PPME1: variants seen among roughly 807,000 people sequenced by gnomAD.
PPME1 encodes testicular secretory protein Li 39.
Under a neutral mutation model 56.9 loss-of-function variants are expected in PPME1, and 17 were observed. That is an observed-to-expected ratio of 0.30 (90% CI 0.20 to 0.45). The LOEUF is 0.45. PPME1 is among the 20% of genes least tolerant of loss of function. The pLI, the probability that PPME1 is intolerant of heterozygous loss-of-function variation, is 1.00. For synonymous variants in PPME1, 122 were observed against 156.2 expected (o/e 0.78, Z 1.63); for missense variants, 357 against 483.2 (o/e 0.74, Z 2.45).
At chr11:74,186,584 T>C (rs1471653382) in intron 1 of PPME1, among the ~76,000 whole-genome samples, 1 of 152,158 alleles carries the variant, frequency 6.6e-6, no homozygotes, top group Non-Finnish European at 1.5e-5. Flanking sequence ...GGTGTAGAAA[T>C]TAATTCCTGT....
intron 12 of PPME1, chr11:74,251,357 A>G: frequency 7.4e-7 from 1 of 1,354,866 alleles, no homozygotes; most frequent in Non-Finnish European, 9.5e-7. Flanking sequence ...ACAGTTAGGA[A>G]TTAATATGGG....
chr11:74,184,682 T>G (rs1401370466), intron 1 of PPME1, among the ~76,000 whole-genome samples: 1 of 152,196 alleles, frequency 6.6e-6, no homozygotes, highest in Non-Finnish European at 1.5e-5. Context: ...CAAGAAAGAC[T>G]GGGTGTGCCG....
intron 1 of PPME1, among the ~76,000 whole-genome samples, chr11:74,190,623 T>C (rs1160838682): frequency 6.6e-6 from 1 of 152,218 alleles, no homozygotes. Flanking sequence ...AGAAAATTGA[T>C]ACCGAAGAGT....
At chr11:74,196,916 T>C (rs1253384062) in intron 1 of PPME1, among the ~76,000 whole-genome samples, 1 of 152,208 alleles carries the variant, frequency 6.6e-6, no homozygotes, top group African/African-American at 2.4e-5. Flanking sequence ...GTAAACATTA[T>C]TAATTTGTTC....
At chr11:74,177,038 G>A (rs1857417232) in intron 1 of PPME1, among the ~76,000 whole-genome samples, 1 of 151,800 alleles carries the variant, frequency 6.6e-6, no homozygotes, top group Non-Finnish European at 1.5e-5. Flanking sequence ...TAATCCATTT[G>A]AAGTTTATCT....
At position 74,246,214 on chromosome 11, in the gene PPME1, A is replaced by G. The variant is rs76506696; in HGVS notation, c.964+9A>G. The stretch of plus-strand genomic sequence containing the variant: ...ATTGCTGCTCTTGGCTGGTAAGTGT[A>G]TATGTGCATATATTAGTCAGCTCAG... On this transcript the variant is annotated intron_variant, in intron 10 of 13. Coordinates refer to ENST00000328257, the MANE Select transcript of PPME1 (RefSeq NM_016147.3). 7.8e-6 allele frequency: 12 copies of G among 1,546,702 alleles called. No individual in the cohort carries two copies. The East Asian group carries it at 2.5e-4, about 32-fold the overall frequency.
intron 1 of PPME1, among the ~76,000 whole-genome samples, chr11:74,195,940 AATT>A (rs2135610890): frequency 6.6e-6 from 1 of 152,326 alleles, no homozygotes; most frequent in African/African-American, 2.4e-5. Flanking sequence ...TTAAAAAGAC[AATT>A]ATTCTGGAAA....
chr11:74,212,128 A>G (rs893896187), intron 3 of PPME1, among the ~76,000 whole-genome samples: 5 of 152,200 alleles, frequency 3.3e-5, no homozygotes, highest in African/African-American at 4.8e-5. Flanking sequence ...TGAATTACTG[A>G]CATCACCCCT....
At chr11:74,225,306 TA>T in intron 5 of PPME1, 50 bp downstream of exon 5, 1 of 1,230,096 alleles carries the variant, frequency 8.1e-7, no homozygotes, top group Admixed American at 2.5e-5. Flanking sequence ...ATCACTATTA[TA>T]AATAGTACTA....
chr11:74,234,028 C>A (rs1414701181), intron 7 of PPME1, among the ~76,000 whole-genome samples: 1 of 152,048 alleles, frequency 6.6e-6, no homozygotes, highest in Non-Finnish European at 1.5e-5. Context: ...GGAAGAGAGT[C>A]ATTTTTTAAT....
At chr11:74,246,349 G>A in intron 10 of PPME1, 144 bp downstream of exon 10, 1 of 911,630 alleles carries the variant, frequency 1.1e-6, no homozygotes, top group South Asian at 2.0e-5. Context: ...TGGTCAGGTT[G>A]TGGTGAGGGC....
At chr11:74,248,676 A>C (rs1859571410) in intron 11 of PPME1, 1 of 152,138 alleles carries the variant, frequency 6.6e-6, no homozygotes, top group Non-Finnish European at 1.5e-5. Flanking sequence ...TAAATGTCTA[A>C]GCCCGTAATT....
chr11:74,201,053 G>A (rs1565381355), intron 1 of PPME1, among the ~76,000 whole-genome samples: 1 of 151,544 alleles, frequency 6.6e-6, no homozygotes, highest in Non-Finnish European at 1.5e-5. Context: ...TCGGCTCACT[G>A]CAAGCTCCGC....
rs147894216 is a variant in PPME1 at position 74,198,078 on chromosome 11, G to A, written c.102-5650G>A. ...GGTTTGAAATAAATTGTATTCTAACGTAAAAAAATTATACAGTTACCTACC... is the reference window on the plus strand; with the variant it reads ...GGTTTGAAATAAATTGTATTCTAACATAAAAAAATTATACAGTTACCTACC... On this transcript the variant is annotated intron_variant, in intron 1 of 13. Coordinates refer to ENST00000328257, the MANE Select transcript of PPME1 (RefSeq NM_016147.3). Among the ~76,000 whole-genome samples, 701 of 152,102 alleles carry A rather than the reference G, an allele frequency of 4.6e-3. 20 individuals are homozygous for A. Among genetic ancestry groups the A allele is most frequent in the Non-Finnish European group, 9.9e-4 (67 of 67,978 alleles).
chr11:74,198,775 A>G (rs527593592), intron 1 of PPME1: 1 of 152,168 alleles, frequency 6.6e-6, no homozygotes, highest in East Asian at 1.9e-4. Context: ...TCTCCCATCC[A>G]AGTACTAACC....
At chr11:74,247,353 A>C (rs529686009) in intron 11 of PPME1, 7 of 510,872 alleles carry the variant, frequency 1.4e-5, no homozygotes, top group African/African-American at 3.9e-5. Flanking sequence ...GAAGATTATA[A>C]TACTACTACC....
At chr11:74,222,232 A>G (rs1858817957) in intron 3 of PPME1, 80 bp from the exon 4 acceptor site, 3 of 1,126,414 alleles carry the variant, frequency 2.7e-6, no homozygotes, top group South Asian at 2.6e-5. Flanking sequence ...ATGGCAGTTC[A>G]TTTTACAAAG....
chr11:74,235,755 T>C (rs1333553967), intron 7 of PPME1, 146 bp from the exon 8 acceptor site: 1 of 1,277,354 alleles, frequency 7.8e-7, no homozygotes. Context: ...AGGTGAGTAA[T>C]AGTGGCAATC....
intron 1 of PPME1, among the ~76,000 whole-genome samples, chr11:74,186,830 T>A (rs1429226207): frequency 2.0e-5 from 3 of 152,188 alleles, no homozygotes; most frequent in Non-Finnish European, 4.4e-5. Context: ...AGGTACTAGG[T>A]GCCTGTGAAA....
Sources: gnomAD v4.1 joint callset for allele counts (sites outside exome capture counted in the v4.1 genomes callset) on GRCh38, gnomAD v4.1.1 for gene constraint, MANE v1.5 for transcripts, NCBI Gene and HGNC (gene_info 2026-07-23, HGNC 2026-07-21) for gene names.